The following JPH2 variants were observed in gnomAD, a reference collection of about 807,000 sequenced individuals.
The protein encoded by JPH2 is junctophilin-2.
Under a neutral mutation model 55.9 loss-of-function variants are expected in JPH2, and 38 were observed. The ratio of observed to expected loss-of-function variants is 0.68; its 90% CI spans 0.52 to 0.89. The LOEUF (loss-of-function observed/expected upper bound fraction) is 0.89, where lower values mean the gene tolerates loss of function less well. JPH2 is among the 40% of genes least tolerant of loss of function. The pLI, the probability that JPH2 is intolerant of heterozygous loss-of-function variation, is 0.00. For missense variants in JPH2, 964 were observed against 1,037.6 expected (o/e 0.93, Z 0.97); for synonymous variants, 480 against 472.4 (o/e 1.02, Z -0.21).
At chr20:44,161,512 C>T (rs976604286) in intron 1 of JPH2, among the ~76,000 whole-genome samples, 4 of 152,116 alleles carry the variant, frequency 2.6e-5, no homozygotes, top group African/African-American at 4.8e-5. Context: ...AGCTGTGTGA[C>T]CTTGGGCAAC....
At chr20:44,173,755 A>G (rs2072714194) in intron 1 of JPH2, among the ~76,000 whole-genome samples, 1 of 152,160 alleles carries the variant, frequency 6.6e-6, no homozygotes, top group South Asian at 2.1e-4. Flanking sequence ...CTCTACTAAA[A>G]ACACAAAAAT....
At chr20:44,162,787 T>TATATATACAC (rs1311653754) in intron 1 of JPH2, among the ~76,000 whole-genome samples, 1 of 41,006 alleles carries the variant, frequency 2.4e-5, no homozygotes, top group Non-Finnish European at 4.2e-5. Context: ...TATATATATA[T>TATATATACAC]ACACACACAC....
chr20:44,173,433 C>T (rs1217469092), intron 1 of JPH2, among the ~76,000 whole-genome samples: 1 of 152,078 alleles, frequency 6.6e-6, no homozygotes, highest in Non-Finnish European at 1.5e-5. Context: ...CCAATCCAAC[C>T]AATCAACATT....
At chr20:44,134,615 A>AAATATATATTTATTATAAATATAT (rs2072384083) in intron 2 of JPH2, among the ~76,000 whole-genome samples, 1 of 4,232 alleles carries the variant, frequency 2.4e-4, no homozygotes, top group Non-Finnish European at 4.4e-4. Flanking sequence ...TTATAAATAT[A>AAATATATATTTATTATAAATATAT]ATAAATATAT....
intron 2 of JPH2, among the ~76,000 whole-genome samples, chr20:44,140,559 G>A (rs1023986092): frequency 6.6e-6 from 1 of 152,106 alleles, no homozygotes; most frequent in African/African-American, 2.4e-5. Flanking sequence ...CAATGCAATA[G>A]GTCCCCACAA....
Position 44,159,699 on chromosome 20 carries a change from C to A in JPH2, c.1088G>T (p.Arg363Leu), listed in dbSNP as rs757549568. 1.7e-5 allele frequency: 27 copies of A among 1,613,004 alleles called. 1 individual carries two copies. Among genetic ancestry groups the A allele is most frequent in the Middle Eastern group, 3.3e-4 (2 of 6,084 alleles). The change falls in exon 2 of 6, where the codon CGC (arginine) becomes CTC (leucine). Residue 363 changes from arginine to leucine, a missense_variant. Arg to Leu is a moderately radical substitution (Grantham distance 102). Coordinates refer to ENST00000372980, the MANE Select transcript of JPH2 (RefSeq NM_020433.5). The surrounding 1 kb of genome is among the most constrained non-coding windows in gnomAD (Gnocchi z 5.7). The part of the protein sequence containing the change: ...RMLQLKSNKV[R>L]QKVEHSVEGA... ...CTCCACACTGTGCTCCACTTTCTGG[C>A]GGACCTTGTTGCTCTTGAGCTGCAG...
At chr20:44,153,150 C>A (rs534730066) in intron 2 of JPH2, among the ~76,000 whole-genome samples, 69 of 152,264 alleles carry the variant, frequency 4.5e-4, no homozygotes, top group South Asian at 6.2e-4. Flanking sequence ...GAAGACAGGG[C>A]CTTCCCTTGG....
intron 1 of JPH2, among the ~76,000 whole-genome samples, chr20:44,184,293 C>G (rs2072812967): frequency 6.6e-6 from 1 of 151,816 alleles, no homozygotes; most frequent in African/African-American, 2.4e-5. Flanking sequence ...TCTTCTTCTT[C>G]TTCTTTTTTT....
At chr20:44,117,529 A>G (rs2072202320) in intron 3 of JPH2, among the ~76,000 whole-genome samples, 1 of 152,206 alleles carries the variant, frequency 6.6e-6, no homozygotes, top group African/African-American at 2.4e-5. Flanking sequence ...AGCAGCTCTC[A>G]AAGTGTGGTC....
At chr20:44,153,806 G>A (rs554787537) in intron 2 of JPH2, among the ~76,000 whole-genome samples, 9 of 152,302 alleles carry the variant, frequency 5.9e-5, no homozygotes, top group East Asian at 5.8e-4. Context: ...TTTGAGGTGC[G>A]TCTTCTAGAA....
chr20:44,178,599 T>G (rs972538065), intron 1 of JPH2, among the ~76,000 whole-genome samples: 1 of 152,132 alleles, frequency 6.6e-6, no homozygotes, highest in Non-Finnish European at 1.5e-5. Context: ...TTCTTTTCTT[T>G]GTTTGTTTTG....
Position 44,106,773 on chromosome 20 carries a change from CGA to C in JPH2, c.*6743_*6744del, listed in dbSNP as rs1174681925. On this transcript the variant is annotated 3_prime_UTR_variant, in exon 6 of 6. Transcript: ENST00000372980. ...ATCTCATGAGACTTATTCACTACCA[CGA>C]GAACGGCACGGGAAAGGCTTGCCCC... is the stretch of plus-strand genomic sequence containing the variant. 6.6e-6 allele frequency among the ~76,000 whole-genome samples: 1 copy of C among 152,084 alleles called. No homozygotes were observed. The highest frequency in any genetic ancestry group is 1.5e-5 in the Non-Finnish European group (1 of 68,030).
chr20:44,139,555 GA>G (rs934488654), intron 2 of JPH2, among the ~76,000 whole-genome samples: 6 of 151,552 alleles, frequency 4.0e-5, no homozygotes, highest in South Asian at 2.1e-4. Context: ...ACACAGCAAA[GA>G]AAAAAAAGCA....
rs945621917 is a variant in JPH2 at position 44,116,811 on chromosome 20, G to A, written c.1289-425C>T. On this transcript the variant is annotated intron_variant, in intron 3 of 5. Transcript: ENST00000372980. ...GATTGAGAAAATGCATGTCAAAGGCGGAGCTCAGGGCCCCGCACCGGCATA... is the reference window on the plus strand; with the variant it reads ...GATTGAGAAAATGCATGTCAAAGGCAGAGCTCAGGGCCCCGCACCGGCATA... 3.0e-4 allele frequency among the ~76,000 whole-genome samples: 46 copies of A among 152,232 alleles called. 1 individual carries two copies. The highest frequency in any genetic ancestry group is 5.4e-4 in the Non-Finnish European group (37 of 68,044).
At chr20:44,134,721 T>TATAA (rs372508582) in intron 2 of JPH2, among the ~76,000 whole-genome samples, 14,259 of 47,416 alleles carry the variant, frequency 0.3, 4,368 homozygotes, top group African/African-American at 0.57. Flanking sequence ...ATTATAAATA[T>TATAA]ATATTTATTA....
At chr20:44,181,882 G>A (rs1371340977) in intron 1 of JPH2, among the ~76,000 whole-genome samples, 2 of 152,204 alleles carry the variant, frequency 1.3e-5, no homozygotes, top group Non-Finnish European at 2.9e-5. Context: ...ACAATTTCCT[G>A]TTAGATTTGC....
At chr20:44,171,955 A>T (rs1028298810) in intron 1 of JPH2, among the ~76,000 whole-genome samples, 3 of 152,232 alleles carry the variant, frequency 2.0e-5, no homozygotes, top group African/African-American at 7.2e-5. Context: ...TCACACATGG[A>T]AGACATTCAA....
chr20:44,134,551 TA>T (rs1220150796), intron 2 of JPH2, among the ~76,000 whole-genome samples: 1 of 28,034 alleles, frequency 3.6e-5, no homozygotes, highest in Admixed American at 7.1e-4. Context: ...TATATATTTA[TA>T]ATATATATAA....
At chr20:44,176,603 A>AG (rs2072735180) in intron 1 of JPH2, among the ~76,000 whole-genome samples, 1 of 151,778 alleles carries the variant, frequency 6.6e-6, no homozygotes, top group Non-Finnish European at 1.5e-5. Context: ...GAAGTTTGAG[A>AG]CCAGCCAGGG....
Sources: gnomAD v4.1 joint callset for allele counts (sites outside exome capture counted in the v4.1 genomes callset) on GRCh38, gnomAD v4.1.1 for gene constraint, Gnocchi (gnomAD v3.1) non-coding constraint, MANE v1.5 for transcripts, NCBI Gene and HGNC (gene_info 2026-07-23, HGNC 2026-07-21) for gene names.